AP3D1: variants seen among roughly 807,000 people sequenced by gnomAD.
The protein encoded by AP3D1 is adaptor related protein complex 3 subunit delta 1, also known as AP-3 complex subunit delta-1.
A neutral mutation model predicts 147.6 loss-of-function variants in AP3D1; 51 were observed. That is an observed-to-expected ratio of 0.35 (90% CI 0.28 to 0.44). AP3D1 has a LOEUF of 0.44. AP3D1 is among the 20% of genes least tolerant of loss of function. The pLI is 1.00. For missense variants in AP3D1, 1,421 were observed against 1,624.2 expected, an observed-to-expected ratio of 0.87 and a Z score of 2.15; for synonymous variants, 760 against 663.0, an observed-to-expected ratio of 1.15 and a Z score of -2.25.
At chr19:2,159,733 T>C (rs1342351761) in intron 1 of AP3D1, among the ~76,000 whole-genome samples, 4 of 132,240 alleles carry the variant, frequency 3.0e-5, no homozygotes, top group East Asian at 4.8e-4. Flanking sequence ...CGGAGTCTTG[T>C]TCTGTCTCCC....
chr19:2,130,261 G>A, intron 6 of AP3D1, 147 bp downstream of exon 6: 2 of 1,289,288 alleles, frequency 1.6e-6, no homozygotes, highest in Non-Finnish European at 2.1e-6. Context: ...CCAGCAAGGG[G>A]AGGCCCAGCC....
At chr19:2,115,758 C>T (rs886602587) in intron 18 of AP3D1, 145 bp from the exon 19 acceptor site, 11 of 805,460 alleles carry the variant, frequency 1.4e-5, no homozygotes, top group African/African-American at 6.9e-5. Context: ...CGAGGAGCGC[C>T]GTGAGCGAGC....
rs192680830 is a variant in AP3D1 at position 2,159,322 on chromosome 19, G to A, written c.-103+5034C>T. 2.1e-3 allele frequency among the ~76,000 whole-genome samples: 319 copies of A among 151,390 alleles called. 3 individuals are homozygous for A. The highest frequency in any genetic ancestry group is 7.3e-3 in the African/African-American group (303 of 41,278). The stretch of plus-strand genomic sequence containing the variant: ...CAACCTCCGCCTCCCAGGTTCAAGC[G>A]ATTCTCCTGCCTCAGCCTCCCGAGC... On this transcript the variant is annotated intron_variant, in intron 1 of 14. Transcript: ENST00000643010.
chr19:2,147,238 G>A (rs1283678310), intron 1 of AP3D1, among the ~76,000 whole-genome samples: 2 of 151,714 alleles, frequency 1.3e-5, no homozygotes, highest in African/African-American at 2.4e-5. Context: ...CCAGCTACTA[G>A]GGAGGCTGAG....
rs372842836 is a variant in AP3D1 at position 2,137,790 on chromosome 19, G to A, written c.210C>T (p.Tyr70=). 32 of 1,613,716 alleles carry A rather than the reference G, an allele frequency of 2.0e-5. No homozygotes were observed. The highest frequency in any genetic ancestry group is 2.5e-5 in the Non-Finnish European group (29 of 1,179,888). The change falls in exon 3 of 32, where the codon TAC becomes TAT. Residue 70 remains tyrosine, a synonymous_variant. Coordinates refer to ENST00000643116, the MANE Select transcript of AP3D1 (RefSeq NM_001261826.3). The stretch of plus-strand genomic sequence containing the variant: ...TGTTGAAGGCGGCCCAGCTGATGTC[G>A]TATCCCAACATCTGTAACTGTTAAG... ...CKLTYLQMLG[Y]DISWAAFNII...
intron 15 of AP3D1, among the ~76,000 whole-genome samples, chr19:2,118,058 G>A (rs1315537450): frequency 6.6e-6 from 1 of 152,200 alleles, no homozygotes; most frequent in African/African-American, 2.4e-5. Flanking sequence ...TACTAGGGAG[G>A]CTGAGGCAGA....
intron 11 of AP3D1, 40 bp from the exon 12 acceptor site, chr19:2,121,919 C>T (rs1262201889): frequency 1.9e-6 from 3 of 1,576,130 alleles, no homozygotes; most frequent in South Asian, 1.2e-5. Context: ...GGGACGGACA[C>T]AGGCAGCAGG....
intron 1 of AP3D1, chr19:2,164,350 G>A: frequency 1.0e-6 from 1 of 965,868 alleles, no homozygotes. Context: ...CCCAAGCCGC[G>A]CTCACCGGTC....
intron 15 of AP3D1, 87 bp downstream of exon 15, chr19:2,118,514 C>T (rs984575437): frequency 1.0e-5 from 13 of 1,264,106 alleles, no homozygotes; most frequent in South Asian, 8.4e-5. Context: ...GAAGAGGAAG[C>T]GAGGCCCCGT....
At chr19:2,126,527 G>A (rs1221182947) in intron 9 of AP3D1, among the ~76,000 whole-genome samples, 5 of 151,858 alleles carry the variant, frequency 3.3e-5, no homozygotes, top group Non-Finnish European at 7.4e-5. Context: ...GGTGGCGGGC[G>A]CCTATAGTCC....
upstream of AP3D1, among the ~76,000 whole-genome samples, chr19:2,153,057 TAA>T (rs34417814): frequency 1.1e-3 from 126 of 113,946 alleles, no homozygotes; most frequent in African/African-American, 3.5e-3. Flanking sequence ...ACACCCATCT[TAA>T]AAAAAAAAAA....
chr19:2,105,729 C>A (rs1431102042), intron 31 of AP3D1, among the ~76,000 whole-genome samples: 8 of 152,176 alleles, frequency 5.3e-5, no homozygotes, highest in African/African-American at 1.9e-4. Context: ...CCAAGCTGGT[C>A]TCGGCAGGGA....
chr19:2,136,144 C>T (rs546286549), intron 4 of AP3D1, among the ~76,000 whole-genome samples: 5 of 152,362 alleles, frequency 3.3e-5, no homozygotes, highest in Middle Eastern at 3.4e-3. Context: ...GGGCGCATGT[C>T]GCCCGCGGCC....
chr19:2,123,524 A>C (rs980211954), intron 10 of AP3D1, 118 bp from the exon 11 acceptor site: 1 of 1,039,222 alleles, frequency 9.6e-7, no homozygotes, highest in Non-Finnish European at 1.4e-6. Flanking sequence ...CCCACCCACC[A>C]ATCAAAGCCC....
At chr19:2,137,212 G>A (rs991426962) in intron 3 of AP3D1, 121 bp from the exon 4 acceptor site, 57 of 820,430 alleles carry the variant, frequency 6.9e-5, no homozygotes, top group Non-Finnish European at 9.6e-5. Flanking sequence ...CTGCAGCCTG[G>A]ACGCTGGGGC....
chr19:2,110,322 G>A, intron 27 of AP3D1, 98 bp from the exon 28 acceptor site: 1 of 1,047,320 alleles, frequency 9.5e-7, no homozygotes, highest in South Asian at 1.3e-5. Flanking sequence ...CTCTGTGGCT[G>A]ATTAGGAAAC....
chr19:2,146,499 G>C (rs529570842), intron 1 of AP3D1, among the ~76,000 whole-genome samples: 62 of 151,892 alleles, frequency 4.1e-4, no homozygotes, highest in African/African-American at 1.5e-3. Context: ...AGCTACTTCG[G>C]AGGCTGAGGC....
intron 30 of AP3D1, 56 bp from the exon 31 acceptor site, chr19:2,108,822 C>A: frequency 1.3e-6 from 2 of 1,521,566 alleles, no homozygotes; most frequent in South Asian, 1.2e-5. Flanking sequence ...TGCAGCCCCA[C>A]CCCCAGAGCA....
chr19:2,107,664 A>G (rs3786968), intron 31 of AP3D1, among the ~76,000 whole-genome samples: 45,487 of 150,628 alleles, frequency 0.3, 7,866 homozygotes, highest in African/African-American at 0.48. Flanking sequence ...GGCGTGAACC[A>G]GGGAGGCGGA....
Sources: allele counts gnomAD v4.1 joint callset (sites outside exome capture counted in the v4.1 genomes callset), GRCh38; gene constraint gnomAD v4.1.1; transcripts MANE v1.5; gene names NCBI Gene and HGNC (gene_info 2026-07-23, HGNC 2026-07-21).